TFDP2: variants seen among roughly 807,000 people sequenced by gnomAD.
TFDP2 encodes transcription factor Dp-2 (E2F dimerization partner 2).
TFDP2 carries 17 observed loss-of-function variants against 59.3 expected under a neutral mutation model. That is an observed-to-expected ratio of 0.29 (90% CI 0.20 to 0.43). TFDP2 has a LOEUF of 0.43. Among genes scored for constraint, TFDP2 ranks in the 20% least tolerant of loss-of-function variants. The pLI is 1.00. For synonymous variants in TFDP2, 180 were observed against 194.7 expected, an observed-to-expected ratio of 0.92 and a Z score of 0.63; for missense variants, 391 against 528.8, an observed-to-expected ratio of 0.74 and a Z score of 2.56.
At chr3:141,963,371 T>G (rs1937557727) in intron 10 of TFDP2, among the ~76,000 whole-genome samples, 2 of 152,242 alleles carry the variant, frequency 1.3e-5, no homozygotes, top group Admixed American at 1.3e-4. Context: ...GAAGCATGCA[T>G]AACTATGATA....
intron 3 of TFDP2, among the ~76,000 whole-genome samples, chr3:142,042,837 T>C (rs1947076444): frequency 6.7e-6 from 1 of 148,706 alleles, no homozygotes. Context: ...CCTCCCGGGT[T>C]CAAGCAATTC....
intron 7 of TFDP2, 58 bp from the exon 8 acceptor site, chr3:141,974,249 G>A: frequency 2.1e-6 from 3 of 1,401,500 alleles, no homozygotes; most frequent in Non-Finnish European, 2.8e-6. Context: ...ACAGTCACAT[G>A]ATATGAATAT....
Position 141,972,273 on chromosome 3 carries a change from A to G in TFDP2, c.663+1775T>C, listed in dbSNP as rs151122428. Among the ~76,000 whole-genome samples the G allele has an allele frequency of 1.6e-4, 24 of 152,184 alleles. No homozygotes were observed. The East Asian group carries it at 4.3e-3, about 27-fold the overall frequency. On this transcript the variant is annotated intron_variant, in intron 8 of 12. Coordinates refer to ENST00000489671, the MANE Select transcript of TFDP2 (RefSeq NM_001178139.2). ...CAAGCTGCACTGATTGTACCTCTAA[A>G]ACACCTCTCCAATCTCATGGCCGCT...
At chr3:142,127,553 G>A (rs1185724709) in intron 1 of TFDP2, among the ~76,000 whole-genome samples, 1 of 151,920 alleles carries the variant, frequency 6.6e-6, no homozygotes, top group Non-Finnish European at 1.5e-5. Flanking sequence ...GGCCAGGATG[G>A]TCTCCATCTC....
At chr3:142,072,350 A>G (rs2060276206) in intron 3 of TFDP2, among the ~76,000 whole-genome samples, 1 of 152,218 alleles carries the variant, frequency 6.6e-6, no homozygotes, top group South Asian at 2.1e-4. Context: ...AACCAAGATT[A>G]CATTTTAGTC....
At chr3:142,058,221 G>A (rs564560590) in intron 3 of TFDP2, among the ~76,000 whole-genome samples, 28 of 150,934 alleles carry the variant, frequency 1.9e-4, no homozygotes, top group African/African-American at 6.1e-4. Flanking sequence ...AAAGAGAGAA[G>A]CCAGTGATCA....
Position 142,022,206 on chromosome 3 carries a change from T to C in TFDP2, c.83-16662A>G, listed in dbSNP as rs1377272395. ...CTACAAAGGGAAGAGAGGTGTCTCT[T>C]ATTCAAAACACACACTCCTGAGCTC... On this transcript the variant is annotated intron_variant, in intron 3 of 12. Coordinates refer to ENST00000489671, the MANE Select transcript of TFDP2 (RefSeq NM_001178139.2). 2.0e-5 allele frequency among the ~76,000 whole-genome samples: 3 copies of C among 152,148 alleles called. No homozygotes were observed. In the South Asian group the frequency reaches 6.2e-4, roughly 32 times the overall value.
At chr3:142,028,116 T>C (rs1424572537) in intron 3 of TFDP2, among the ~76,000 whole-genome samples, 2 of 152,202 alleles carry the variant, frequency 1.3e-5, no homozygotes, top group African/African-American at 2.4e-5. Context: ...CCAAGGATCC[T>C]TGGGAAGTAT....
intron 2 of TFDP2, among the ~76,000 whole-genome samples, chr3:142,099,489 G>A (rs923327840): frequency 6.6e-6 from 1 of 151,956 alleles, no homozygotes; most frequent in Non-Finnish European, 1.5e-5. Flanking sequence ...ATTACCTGAG[G>A]TCGGGAGTTT....
At chr3:142,096,597 G>C (rs911905638) in intron 2 of TFDP2, among the ~76,000 whole-genome samples, 3 of 152,184 alleles carry the variant, frequency 2.0e-5, no homozygotes, top group Non-Finnish European at 4.4e-5. Context: ...GGTTACTATA[G>C]TGGGTATTCC....
chr3:142,099,918 A>G (rs1454613906), intron 2 of TFDP2, among the ~76,000 whole-genome samples: 1 of 152,134 alleles, frequency 6.6e-6, no homozygotes, highest in African/African-American at 2.4e-5. Context: ...ACAGTCATTT[A>G]CCCAGTTACA....
intron 1 of TFDP2, among the ~76,000 whole-genome samples, chr3:142,135,365 C>G (rs1247539559): frequency 6.6e-6 from 1 of 152,090 alleles, no homozygotes; most frequent in African/African-American, 2.4e-5. Flanking sequence ...TTCTTGACGT[C>G]CATATTTCCT....
intron 8 of TFDP2, among the ~76,000 whole-genome samples, chr3:141,973,119 ATATATT>A (rs1487407541): frequency 3.1e-3 from 230 of 74,852 alleles, no homozygotes; most frequent in African/African-American, 9.0e-3. Flanking sequence ...ATATATATAT[ATATATT>A]TTTTTTTTTT....
intron 3 of TFDP2, among the ~76,000 whole-genome samples, chr3:142,079,046 G>A (rs1162206155): frequency 1.3e-5 from 2 of 151,998 alleles, no homozygotes; most frequent in Non-Finnish European, 2.9e-5. Flanking sequence ...CGGCAGAATT[G>A]ATCAAGCAGA....
At chr3:141,993,661 C>G in intron 5 of TFDP2, 76 bp from the exon 6 acceptor site, 1 of 868,084 alleles carries the variant, frequency 1.2e-6, no homozygotes, top group Non-Finnish European at 1.8e-6. Flanking sequence ...TTTATTATAA[C>G]TTGTCTAAAA....
chr3:142,010,820 C>A (rs1944611695), intron 3 of TFDP2, among the ~76,000 whole-genome samples: 6 of 136,320 alleles, frequency 4.4e-5, no homozygotes, highest in African/African-American at 1.7e-4. Context: ...ATTTATGCAG[C>A]CAAAAAACAC....
At chr3:142,011,578 C>A (rs1576692164) in intron 3 of TFDP2, among the ~76,000 whole-genome samples, 6 of 71,580 alleles carry the variant, frequency 8.4e-5, no homozygotes, top group South Asian at 4.8e-4. Context: ...TACCCTAAAA[C>A]TTAAAGTATA....
intron 2 of TFDP2, among the ~76,000 whole-genome samples, chr3:142,095,245 C>T (rs1463564013): frequency 2.0e-5 from 3 of 152,154 alleles, no homozygotes; most frequent in Non-Finnish European, 4.4e-5. Context: ...CCGTCTTGGC[C>T]TCCCAAAGTA....
chr3:142,039,767 G>A (rs1946868089), intron 3 of TFDP2, among the ~76,000 whole-genome samples: 2 of 152,134 alleles, frequency 1.3e-5, no homozygotes, highest in South Asian at 4.1e-4. Context: ...TCAACCACTA[G>A]TGAAGGGGCA....
Sources: gnomAD v4.1 joint callset for allele counts (sites outside exome capture counted in the v4.1 genomes callset) on GRCh38, gnomAD v4.1.1 for gene constraint, MANE v1.5 for transcripts, NCBI Gene and HGNC (gene_info 2026-07-23, HGNC 2026-07-21) for gene names.